Variants in TMC1 observed in about 807,000 individuals in gnomAD.
TMC1 encodes the protein transmembrane channel like 1, also known as transmembrane channel-like protein 1.
A neutral mutation model predicts 105.8 loss-of-function variants in TMC1; 84 were observed. That is an observed-to-expected ratio of 0.79 (90% CI 0.67 to 0.95). The LOEUF is 0.95. TMC1 is among the 40% of genes least tolerant of loss of function. TMC1 has a pLI of 0.00. For missense variants in TMC1, 817 were observed against 914.1 expected, an observed-to-expected ratio of 0.89 and a Z score of 1.37; for synonymous variants, 315 against 311.5, an observed-to-expected ratio of 1.01 and a Z score of -0.12.
rs1564583514 is a variant in TMC1, at chr9:72,830,684, T to A, written c.2260+2T>A. The A allele has an allele frequency of 6.2e-7, 1 of 1,612,866 alleles. No homozygotes were observed. The highest frequency in any genetic ancestry group is 1.1e-5 in the South Asian group (1 of 90,884). On this transcript the variant is annotated splice_donor_variant, in intron 23 of 23. Coordinates refer to ENST00000297784, the MANE Select transcript of TMC1 (RefSeq NM_138691.3). LOFTEE classifies it high-confidence loss of function. Reference sequence around the variant, plus strand: ...AGAAAATGGCAGCTGCACGAGCAGGTTGGAGATACGTTTATGTTTGTAATG... The same window carrying A: ...AGAAAATGGCAGCTGCACGAGCAGGATGGAGATACGTTTATGTTTGTAATG...
Position 72,685,100 on chromosome 9 carries a change from C to CTTTTTT in TMC1, c.17-3590_17-3585dup, listed in dbSNP as rs71359515. ...CAAACCTTACTGTTATAAAGTCATTCTTTTTTTTTTTTTTTTTTTTTTTTG... is the reference window on the plus strand; with the variant it reads ...CAAACCTTACTGTTATAAAGTCATTCTTTTTTTTTTTTTTTTTTTTTTTTTTTTTTG... On this transcript the variant is annotated intron_variant, in intron 5 of 23. Transcript: ENST00000297784. 3.4e-3 allele frequency among the ~76,000 whole-genome samples: 311 copies of CTTTTTT among 91,036 alleles called. 8 individuals are homozygous for CTTTTTT. Among genetic ancestry groups the CTTTTTT allele is most frequent in the African/African-American group, 9.2e-3 (194 of 21,112 alleles). The allele number at this position is 91,036 out of a possible 152,430, so 59.7% of individuals were successfully genotyped here.
chr9:72,745,116 G>A (rs1827467688), intron 10 of TMC1, among the ~76,000 whole-genome samples: 1 of 152,112 alleles, frequency 6.6e-6, no homozygotes, highest in Admixed American at 6.5e-5. Context: ...CAACTGTGAA[G>A]AACTGAGCTT....
intron 13 of TMC1, among the ~76,000 whole-genome samples, chr9:72,776,754 A>C (rs1828012241): frequency 6.6e-6 from 1 of 152,128 alleles, no homozygotes; most frequent in African/African-American, 2.4e-5. Context: ...GATTTCACTA[A>C]GTTCAAATGC....
Position 72,792,190 on chromosome 9 carries a change from G to C in TMC1, c.1405-1G>C. On this transcript the variant is annotated splice_acceptor_variant, in intron 16 of 23. Transcript: ENST00000297784. LOFTEE classifies it high-confidence loss of function. The stretch of plus-strand genomic sequence containing the variant: ...TTAGTTTCTATCTCTTTGCTTTCTA[G>C]ATTGAAGAGGAGAAGCTAGTAAAGG... The C allele has an allele frequency of 6.2e-7, 1 of 1,614,046 alleles. No homozygotes were observed. Among genetic ancestry groups the C allele is most frequent in the Admixed American group, 1.7e-5 (1 of 60,004 alleles).
At chr9:72,737,614 A>C (rs1827321950) in intron 8 of TMC1, among the ~76,000 whole-genome samples, 1 of 152,144 alleles carries the variant, frequency 6.6e-6, no homozygotes, top group Non-Finnish European at 1.5e-5. Flanking sequence ...GATCCCAGAG[A>C]CTGGATTAGA....
intron 7 of TMC1, among the ~76,000 whole-genome samples, chr9:72,697,249 A>G (rs1588036898): frequency 6.6e-6 from 1 of 152,180 alleles, no homozygotes; most frequent in East Asian, 1.9e-4. Context: ...TGTTCATTCA[A>G]TAAGTTATTT....
intron 19 of TMC1, among the ~76,000 whole-genome samples, chr9:72,817,512 A>G (rs1828806150): frequency 6.6e-6 from 1 of 152,176 alleles, no homozygotes; most frequent in Admixed American, 6.5e-5. Flanking sequence ...ATGGCAGAAA[A>G]TGGCTAACAC....
intron 5 of TMC1, among the ~76,000 whole-genome samples, chr9:72,672,520 A>G (rs915138382): frequency 2.6e-5 from 4 of 152,124 alleles, no homozygotes; most frequent in African/African-American, 7.2e-5. Context: ...TATCTTGCCT[A>G]TAAGAAAATA....
At chr9:72,614,049 A>G (rs1312469894) in intron 2 of TMC1, among the ~76,000 whole-genome samples, 1 of 152,208 alleles carries the variant, frequency 6.6e-6, no homozygotes, top group East Asian at 1.9e-4. Flanking sequence ...AAAGGAGCCT[A>G]TATATTATCC....
chr9:72,835,897 TTCTCTC>T (rs113386228), intron 23 of TMC1, 48 bp from the exon 24 acceptor site: 1 of 1,530,316 alleles, frequency 6.5e-7, no homozygotes. Context: ...CCTGTTCATC[TTCTCTC>T]TCTCTCTCCT....
intron 1 of TMC1, among the ~76,000 whole-genome samples, chr9:72,562,208 ATG>A (rs2132080541): frequency 6.6e-6 from 1 of 152,262 alleles, no homozygotes; most frequent in Non-Finnish European, 1.5e-5. Context: ...TCATAAATAT[ATG>A]CTCTAAGTCA....
intron 23 of TMC1, 27 bp from the exon 24 acceptor site, chr9:72,835,924 T>C (rs755026081): frequency 6.5e-7 from 1 of 1,535,346 alleles, no homozygotes; most frequent in African/African-American, 1.4e-5. Context: ...TGTTTTTTTT[T>C]TTTTTTTTTT....
intron 1 of TMC1, among the ~76,000 whole-genome samples, chr9:72,531,008 A>ATTG (rs1025948280): frequency 6.6e-6 from 1 of 150,726 alleles, no homozygotes; most frequent in Non-Finnish European, 1.5e-5. Context: ...TATTATTATT[A>ATTG]TTTGTATTTT....
chr9:72,793,942 C>T (rs1038096792), intron 17 of TMC1, among the ~76,000 whole-genome samples: 4 of 152,182 alleles, frequency 2.6e-5, no homozygotes, highest in Admixed American at 6.5e-5. Context: ...TCTGCCACTA[C>T]CTCTGCAGTA....
At chr9:72,742,932 T>G (rs1207183670) in intron 10 of TMC1, among the ~76,000 whole-genome samples, 1 of 152,218 alleles carries the variant, frequency 6.6e-6, no homozygotes, top group Non-Finnish European at 1.5e-5. Context: ...TGAACAATGT[T>G]TTAACAAGTG....
chr9:72,687,095 C>A (rs892496111), intron 5 of TMC1, among the ~76,000 whole-genome samples: 1 of 151,814 alleles, frequency 6.6e-6, no homozygotes, highest in Non-Finnish European at 1.5e-5. Flanking sequence ...TATTTTTGTT[C>A]ATTTAGTAGG....
chr9:72,811,586 C>T (rs1371705596), intron 18 of TMC1, among the ~76,000 whole-genome samples: 1 of 152,038 alleles, frequency 6.6e-6, no homozygotes, highest in Non-Finnish European at 1.5e-5. Flanking sequence ...TATTTACCAG[C>T]AAAGCAAGTA....
rs1588067173 is a variant in TMC1, at chr9:72,754,885, G to A, written c.741+1G>A. 3 of 1,610,286 alleles carry A rather than the reference G, an allele frequency of 1.9e-6. No individual in the cohort carries two copies. Among genetic ancestry groups the A allele is most frequent in the Middle Eastern group, 1.7e-4 (1 of 6,050 alleles). ...CTTTGGTGTGTTGTACGACTTCAAT[G>A]TAAGTGTCTCCACACAAGTGTATTG... On this transcript the variant is annotated splice_donor_variant, in intron 12 of 23. Coordinates refer to ENST00000297784, the MANE Select transcript of TMC1 (RefSeq NM_138691.3). LOFTEE classifies it high-confidence loss of function.
intron 1 of TMC1, among the ~76,000 whole-genome samples, chr9:72,571,462 T>TTTTTTTG: frequency 6.6e-6 from 1 of 151,464 alleles, no homozygotes. Context: ...TTTTCTTTTT[T>TTTTTTTG]TTTGAGGTGG....
Sources: gnomAD v4.1 joint callset for allele counts (sites outside exome capture counted in the v4.1 genomes callset) on GRCh38, gnomAD v4.1.1 for gene constraint, MANE v1.5 for transcripts, NCBI Gene and HGNC (gene_info 2026-07-23, HGNC 2026-07-21) for gene names.